Variants in ZFP62 observed in about 807,000 individuals in gnomAD.
The protein encoded by ZFP62 is zinc finger protein 62 homolog.
A neutral mutation model predicts 56.4 loss-of-function variants in ZFP62; 44 were observed. The ratio of observed to expected loss-of-function variants is 0.78; its 90% CI spans 0.61 to 1.00. The LOEUF is 1.00. Ranked by LOEUF, ZFP62 falls within the 50% of genes least tolerant of loss-of-function variation. The pLI is 0.00. For synonymous variants in ZFP62, 421 were observed against 388.9 expected (o/e 1.08, Z -0.97); for missense variants, 1,030 against 1,085.7 (o/e 0.95, Z 0.72).
Position 180,850,436 on chromosome 5 carries a change from A to T in ZFP62, c.1059T>A (p.Ile353=), listed in dbSNP as rs1199296097. 1.7e-5 allele frequency: 27 copies of T among 1,554,464 alleles called. No homozygotes were observed. The highest frequency in any genetic ancestry group is 2.3e-5 in the Non-Finnish European group (26 of 1,148,892). ...EKSFNYSSLL[I]QHKVIHTGEK... is the part of the protein sequence containing the mutation. Reference sequence around the variant, plus strand: ...CTCCAGTGTGGATGACTTTATGCTGAATGAGAAGAGAGCTATAATTAAAAG... The same window carrying T: ...CTCCAGTGTGGATGACTTTATGCTGTATGAGAAGAGAGCTATAATTAAAAG... The change falls in exon 2 of 2, where the codon ATT becomes ATA. Residue 353 remains isoleucine (I), a synonymous_variant. Coordinates refer to ENST00000502412, the MANE Select transcript of ZFP62 (RefSeq NM_001172638.2).
At chr5:180,826,983 G>A in the ZFP62 span, among the ~76,000 whole-genome samples, 1 of 152,222 alleles carries the variant, frequency 6.6e-6, no homozygotes, top group Non-Finnish European at 1.5e-5. Flanking sequence ...CATAAATTGA[G>A]TGCTGGGGAA....
chr5:180,828,978 C>T, the ZFP62 span, among the ~76,000 whole-genome samples: 21 of 152,336 alleles, frequency 1.4e-4, no homozygotes, highest in South Asian at 6.2e-4. Context: ...GACTGAGATA[C>T]GTCCTGGTCT....
intron 1 of ZFP62, among the ~76,000 whole-genome samples, chr5:180,858,257 CAAAAAAAAAA>C (rs1159409435): frequency 1.3e-3 from 54 of 40,274 alleles, no homozygotes; most frequent in Admixed American, 3.9e-3. Context: ...AACTCTGTCT[CAAAAAAAAAA>C]AAAAAAAAAA....
At chr5:180,834,669 C>T in the ZFP62 span, 1 of 152,044 alleles carries the variant, frequency 6.6e-6, no homozygotes, top group Non-Finnish European at 1.5e-5. Flanking sequence ...TAGCAGCCCA[C>T]TAGGAGACCC....
At chr5:180,831,403 G>C in the ZFP62 span, 1 of 151,844 alleles carries the variant, frequency 6.6e-6, no homozygotes, top group Non-Finnish European at 1.5e-5. Context: ...GCAGCTTCCT[G>C]GTTTCGGCCA....
chr5:180,839,468 G>C, the ZFP62 span, among the ~76,000 whole-genome samples: 1 of 152,194 alleles, frequency 6.6e-6, no homozygotes, highest in South Asian at 2.1e-4. Flanking sequence ...AGCAACATGA[G>C]TGGAGCTGGA....
the ZFP62 span, among the ~76,000 whole-genome samples, chr5:180,829,712 G>T: frequency 6.6e-6 from 1 of 152,194 alleles, no homozygotes; most frequent in Non-Finnish European, 1.5e-5. Context: ...GTTTGCCAAG[G>T]TGGAAAGAGA....
downstream of ZFP62, among the ~76,000 whole-genome samples, chr5:180,846,441 G>A (rs1422892671): frequency 1.3e-5 from 2 of 152,208 alleles, no homozygotes; most frequent in African/African-American, 4.8e-5. Flanking sequence ...AACCAAAGCT[G>A]GTCTCATCTT....
chr5:180,848,167 T>C lies in ZFP62; in HGVS notation c.*625A>G. 1 of 985,384 alleles carries C rather than the reference T, an allele frequency of 1.0e-6. No individual in the cohort carries two copies. The allele number at this position is 985,384 out of a possible 1,614,324, so 61.0% of individuals were successfully genotyped here. ...ATTTTTTATGAGTGACTCTCTCCTATCTCCTGTTAGACTTGTAAGTCTATG... is the reference window on the plus strand; with the variant it reads ...ATTTTTTATGAGTGACTCTCTCCTACCTCCTGTTAGACTTGTAAGTCTATG... On this transcript the variant is annotated 3_prime_UTR_variant, in exon 2 of 2. Coordinates refer to ENST00000502412, the MANE Select transcript of ZFP62 (RefSeq NM_001172638.2).
intron 1 of ZFP62, among the ~76,000 whole-genome samples, chr5:180,855,297 C>T (rs905946499): frequency 6.6e-6 from 1 of 152,182 alleles, no homozygotes; most frequent in Admixed American, 6.5e-5. Flanking sequence ...TATCAGAAAG[C>T]AAATTTGTTT....
chr5:180,845,484 C>T (rs139053901), downstream of ZFP62, among the ~76,000 whole-genome samples: 842 of 152,098 alleles, frequency 5.5e-3, 9 homozygotes, highest in African/African-American at 0.019. Context: ...ACTTCACTGA[C>T]TCTACACAGG....
rs760645402 is a variant in ZFP62, at chr5:180,850,724, C to T, written c.771G>A (p.Glu257=). ...AGCTGTTCCTGAAGGCCTTCCCACA[C>T]TCACCACATTCATAGGGCTTCTCCC... is the stretch of plus-strand genomic sequence containing the variant. The part of the protein sequence containing the change: ...HTGEKPYECG[E]CGKAFRNSSG... The change falls in exon 2 of 2, where the codon GAG becomes GAA. Residue 257 remains glutamate (E), a synonymous_variant. Coordinates refer to ENST00000502412, the MANE Select transcript of ZFP62 (RefSeq NM_001172638.2). 1.4e-5 allele frequency: 23 copies of T among 1,606,794 alleles called. No homozygotes were observed. In the Admixed American group the frequency reaches 3.2e-4, roughly 23 times the overall value.
downstream of ZFP62, among the ~76,000 whole-genome samples, chr5:180,842,972 G>A (rs576810377): frequency 6.6e-6 from 1 of 151,632 alleles, no homozygotes; most frequent in South Asian, 2.1e-4. Context: ...GAATCTGGGA[G>A]GTAGCCATTG....
At chr5:180,832,738 C>T in the ZFP62 span, 3 of 152,280 alleles carry the variant, frequency 2.0e-5, no homozygotes, top group East Asian at 5.8e-4. Flanking sequence ...CAAAATGTTA[C>T]CTCCAGACAC....
At position 180,849,901 on chromosome 5, in the gene ZFP62, GTT is replaced by G; in HGVS notation, c.1592_1593del (p.Lys531ThrfsTer5). On this transcript the variant is annotated frameshift_variant, in exon 2 of 2. Transcript: ENST00000502412. LOFTEE classifies it high-confidence loss of function. ...EQHKRIHTRE[K>X]PFGCDECGKA... ...TTACCACACTCATCACACCCAAAGG[GTT>G]TTTCCCTGGTATGAATCCTTTTATG... is the stretch of plus-strand genomic sequence containing the variant. 1 of 1,551,690 alleles carries G rather than the reference GTT, an allele frequency of 6.4e-7. No homozygotes were observed. The highest frequency in any genetic ancestry group is 1.2e-5 in the South Asian group (1 of 84,062).
chr5:180,827,238 C>A, the ZFP62 span, among the ~76,000 whole-genome samples: 153 of 152,240 alleles, frequency 1.0e-3, no homozygotes, highest in African/African-American at 3.6e-3. Flanking sequence ...ATTGCATTGG[C>A]CAGAGACTTG....
chr5:180,835,267 C>G, the ZFP62 span: 2 of 152,280 alleles, frequency 1.3e-5, no homozygotes, highest in East Asian at 1.9e-4. Flanking sequence ...GGTGAATTCT[C>G]TCTTCCAGAG....
Position 180,850,614 on chromosome 5 carries a change from G to T in ZFP62, c.881C>A (p.Ser294Tyr), listed in dbSNP as rs1281375109. Residue 294 changes from serine (S) to tyrosine (Y), a missense_variant, in exon 2 of 2, where the codon TCT becomes TAT. By Grantham distance (144) the Ser-to-Tyr change is moderately radical. Transcript: ENST00000502412. Reference protein sequence around the residue: ...DICGKTFSNSSGLRVHKRIHT... With the variant: ...DICGKTFSNSYGLRVHKRIHT... ...GATCCTTTTATGGACCCTAAGGCCA[G>T]AGCTGTTACTGAAGGTTTTCCCACA... 1 of 1,567,740 alleles carries T rather than the reference G, an allele frequency of 6.4e-7. No individual in the cohort carries two copies. The highest frequency in any genetic ancestry group is 2.4e-5 in the East Asian group (1 of 42,008).
At chr5:180,828,138 T>G in the ZFP62 span, among the ~76,000 whole-genome samples, 1 of 152,296 alleles carries the variant, frequency 6.6e-6, no homozygotes, top group South Asian at 2.1e-4. Context: ...TATTTCTTTC[T>G]CTATACTTTG....
Sources: allele counts gnomAD v4.1 joint callset (sites outside exome capture counted in the v4.1 genomes callset), GRCh38; gene constraint gnomAD v4.1.1; transcripts MANE v1.5; gene names NCBI Gene and HGNC (gene_info 2026-07-23, HGNC 2026-07-21).